Variants in IL16 observed in about 807,000 individuals in gnomAD.
IL16 encodes the protein interleukin 16, also known as pro-interleukin-16.
In IL16, 67 loss-of-function variants were observed where a neutral mutation model predicts 110.1. The ratio of observed to expected loss-of-function variants is 0.61; its 90% CI spans 0.50 to 0.75. The LOEUF (loss-of-function observed/expected upper bound fraction) is 0.75. IL16 is among the 30% of genes least tolerant of loss of function. The pLI is 0.00. For missense variants in IL16, 1,545 were observed against 1,655.0 expected (o/e 0.93, Z 1.15); for synonymous variants, 689 against 662.9 (o/e 1.04, Z -0.61).
rs1213022053 is a variant in IL16, at chr15:81,300,000, G to A, written c.2674G>A (p.Ala892Thr). The change falls in exon 14 of 19, where the codon GCA (alanine) becomes ACA (threonine). Residue 892 changes from alanine (A) to threonine (T), a missense_variant. By Grantham distance (58) the Ala-to-Thr change is moderately conservative (BLOSUM62 0). Coordinates refer to ENST00000683961, the MANE Select transcript of IL16 (RefSeq NM_172217.5). Reference protein sequence around the residue: ...RFSGLLGRGAAPTLVPQQPEQ... With the variant: ...RFSGLLGRGATPTLVPQQPEQ... ...TTCTGGACTCTTGGGGCGAGGGGCT[G>A]CACCCACTCTTGTGCCCCAGCAGCC... 5.7e-6 allele frequency: 9 copies of A among 1,589,502 alleles called. No homozygotes were observed. Among genetic ancestry groups the A allele is most frequent in the Non-Finnish European group, 6.0e-6 (7 of 1,167,520 alleles).
intron 2 of IL16, among the ~76,000 whole-genome samples, chr15:81,233,870 G>A: frequency 6.6e-6 from 1 of 151,940 alleles, no homozygotes; most frequent in East Asian, 1.9e-4. Flanking sequence ...GCTGAAAGAA[G>A]CATGTTAAAG....
chr15:81,289,973 C>T (rs748945157), intron 10 of IL16: 100 of 421,610 alleles, frequency 2.4e-4, no homozygotes, highest in Non-Finnish European at 3.7e-4. Flanking sequence ...GTAGAGGAAC[C>T]GGGACTAGAA....
rs754228746 is a variant in IL16, at chr15:81,292,863, C to T, written c.1728C>T (p.His576=). Residue 576 remains histidine (H), a synonymous_variant, in exon 12 of 19, where the codon CAC becomes CAT. Transcript: ENST00000683961. ...SPPLPESRDS[H]PPLRLKKSFE... ...CCCTCCCAGAGAGCCGGGACAGCCA[C>T]CCGCCGCTGAGACTGAAGAAATCCT... 1.2e-5 allele frequency: 20 copies of T among 1,614,104 alleles called. No individual in the cohort carries two copies. In the East Asian group the frequency reaches 3.8e-4, roughly 31 times the overall value.
At position 81,196,917 on chromosome 15, in the gene IL16, A is replaced by T; in HGVS notation, c.-337A>T. ...GTCACCTGTCCAGAGCAGGTGGTGAATATTGTGTCCTACTCACGGCATCTC... is the reference window on the plus strand; with the variant it reads ...GTCACCTGTCCAGAGCAGGTGGTGATTATTGTGTCCTACTCACGGCATCTC... On this transcript the variant is annotated 5_prime_UTR_variant, in exon 1 of 19. Coordinates refer to ENST00000683961, the MANE Select transcript of IL16 (RefSeq NM_172217.5). 1.6e-6 allele frequency: 2 copies of T among 1,224,280 alleles called. No individual in the cohort carries two copies. Among genetic ancestry groups the T allele is most frequent in the Non-Finnish European group, 2.1e-6 (2 of 961,176 alleles). The allele number at this position is 1,224,280 out of a possible 1,614,324, so 75.8% of individuals were successfully genotyped here.
At chr15:81,198,003 A>G (rs1401190312) in intron 1 of IL16, among the ~76,000 whole-genome samples, 1 of 152,044 alleles carries the variant, frequency 6.6e-6, no homozygotes, top group East Asian at 1.9e-4. Flanking sequence ...CCCCGGAAGG[A>G]GAAGACCGTT....
chr15:81,279,783 G>A lies in IL16; in HGVS notation c.1081+9G>A, dbSNP rs1899088640. ...GGTTTCTCTGCAGAAAGGTAGGAGTGCTGCAGCTGTGTCCCGTGCCTGGGT... is the reference window on the plus strand; with the variant it reads ...GGTTTCTCTGCAGAAAGGTAGGAGTACTGCAGCTGTGTCCCGTGCCTGGGT... On this transcript the variant is annotated intron_variant, in intron 8 of 18. Transcript: ENST00000683961. The A allele has an allele frequency of 1.2e-6, 2 of 1,611,814 alleles. No homozygotes were observed. The highest frequency in any genetic ancestry group is 1.7e-6 in the Non-Finnish European group (2 of 1,178,130).
At chr15:81,221,074 G>A (rs551762133) in intron 1 of IL16, among the ~76,000 whole-genome samples, 1 of 152,028 alleles carries the variant, frequency 6.6e-6, no homozygotes, top group South Asian at 2.1e-4. Context: ...AAGATGTGAT[G>A]GGGAGACCCC....
Position 81,218,580 on chromosome 15 carries a change from C to T in IL16, c.-101-6719C>T, listed in dbSNP as rs139040893. Among the ~76,000 whole-genome samples the T allele has an allele frequency of 5.6e-3, 859 of 152,220 alleles. 11 individuals are homozygous for T. Among genetic ancestry groups the T allele is most frequent in the African/African-American group, 0.02 (820 of 41,550 alleles). ...CTTTATTTTCTCATCATAATTGAGA[C>T]GTGATTGTTGTAAAAAGAAATCAAG... On this transcript the variant is annotated intron_variant, in intron 1 of 18. Transcript: ENST00000683961.
chr15:81,249,674 T>A (rs992161719), intron 2 of IL16, among the ~76,000 whole-genome samples: 70 of 152,320 alleles, frequency 4.6e-4, no homozygotes, highest in Middle Eastern at 3.4e-3. Flanking sequence ...TATGCTTTTT[T>A]AATTTATCTT....
Position 81,292,703 on chromosome 15 carries a change from G to A in IL16, c.1568G>A (p.Gly523Glu). ...AGCTACATGTCTGGGTCCCCAGGGGGAAGTCCTGGGAGTGGCAGTGCTGAG... is the reference window on the plus strand; with the variant it reads ...AGCTACATGTCTGGGTCCCCAGGGGAAAGTCCTGGGAGTGGCAGTGCTGAG... ...DSSYMSGSPG[G>E]SPGSGSAEKP... The change falls in exon 12 of 19, where the codon GGA becomes GAA. Residue 523 changes from glycine to glutamate, a missense_variant. By Grantham distance (98) the Gly-to-Glu change is moderately conservative. Transcript: ENST00000683961. The A allele has an allele frequency of 1.2e-6, 2 of 1,614,152 alleles. No individual in the cohort carries two copies. Among genetic ancestry groups the A allele is most frequent in the Non-Finnish European group, 8.5e-7 (1 of 1,180,004 alleles).
At chr15:81,194,954 C>A (rs1039767184), upstream of IL16, among the ~76,000 whole-genome samples, 2 of 152,140 alleles carry the variant, frequency 1.3e-5, no homozygotes, top group Non-Finnish European at 2.9e-5. Flanking sequence ...CTCTCACCTG[C>A]GTCTTCCTCC....
upstream of IL16, chr15:81,196,864 C>T (rs1895611948): frequency 8.7e-7 from 1 of 1,151,538 alleles, no homozygotes; most frequent in Non-Finnish European, 1.1e-6. Flanking sequence ...CGAGCAAATC[C>T]ATGCCAGGTG....
chr15:81,233,459 CTGTGTGTGTGTGTGTGTG>C (rs5814049), intron 2 of IL16, among the ~76,000 whole-genome samples: 3,988 of 143,452 alleles, frequency 0.028, 161 homozygotes, highest in African/African-American at 0.094. Context: ...TCTTCTCTTT[CTGTGTGTGTGTGTGTGTG>C]TGTGTGTGTG....
At chr15:81,191,681 G>A (rs1255813870) in intron 1 of IL16, among the ~76,000 whole-genome samples, 4 of 152,184 alleles carry the variant, frequency 2.6e-5, no homozygotes, top group African/African-American at 9.7e-5. Flanking sequence ...TTTAGGTTGA[G>A]TGGTCAAGAA....
chr15:81,292,954 A>G lies in IL16; in HGVS notation c.1819A>G (p.Ser607Gly). 6.2e-7 allele frequency: 1 copy of G among 1,614,198 alleles called. No individual in the cohort carries two copies. The highest frequency in any genetic ancestry group is 2.2e-5 in the East Asian group (1 of 44,886). Reference protein sequence around the residue: ...PKPPPRKYFKSDSDPQKSLEE... With the variant: ...PKPPPRKYFKGDSDPQKSLEE... ...GCCTCCACCCAGAAAATACTTTAAA[A>G]GTGACAGTGACCCTCAGAAGAGTCT... is the stretch of plus-strand genomic sequence containing the variant. Residue 607 changes from serine to glycine, a missense_variant, in exon 12 of 19, where the codon AGT becomes GGT. By Grantham distance (56) the Ser-to-Gly change is moderately conservative (BLOSUM62 0). Around this residue, in one of 3 missense-constraint regions of IL16, gnomAD observed 1,185 missense variants for 1,238.8 expected, o/e 0.96. Transcript: ENST00000683961.
At chr15:81,207,975 C>G (rs1021751209) in intron 1 of IL16, among the ~76,000 whole-genome samples, 8 of 152,054 alleles carry the variant, frequency 5.3e-5, no homozygotes, top group African/African-American at 1.9e-4. Context: ...AGTGGCCAAA[C>G]TAGTTTACAT....
chr15:81,262,941 AAAG>A (rs1198248721), intron 3 of IL16, among the ~76,000 whole-genome samples: 3 of 152,234 alleles, frequency 2.0e-5, no homozygotes, highest in African/African-American at 7.2e-5. Flanking sequence ...TAAAAAAAGA[AAAG>A]AAGCTCAGAT....
rs1900980423 is a variant in IL16 at position 81,313,527 on chromosome 15, C to G, written c.*4729C>G. ...ATGATACAGTGATCGCGTCTCATCC[C>G]TTGCTGTGCCCTCCACCCAGGAGTC... On this transcript the variant is annotated 3_prime_UTR_variant, in exon 19 of 19. Coordinates refer to ENST00000683961, the MANE Select transcript of IL16 (RefSeq NM_172217.5). 4.3e-6 allele frequency: 4 copies of G among 932,676 alleles called. No homozygotes were observed. Among genetic ancestry groups the G allele is most frequent in the African/African-American group, 3.4e-5 (2 of 58,538 alleles). 57.8% of individuals were successfully genotyped at this position (932,676 alleles called of 1,614,324 possible). A position where few individuals can be genotyped will look rare whatever the true frequency, so the allele number is the denominator to read the frequency against.
At position 81,313,595 on chromosome 15, in the gene IL16, C is replaced by G. The variant is rs143280341; in HGVS notation, c.*4797C>G. ...TTTTCAGGATGGAAACCCATCCTGTCGGGGATGCATTCCACAGCCTCTCCC... is the reference window on the plus strand; with the variant it reads ...TTTTCAGGATGGAAACCCATCCTGTGGGGGATGCATTCCACAGCCTCTCCC... On this transcript the variant is annotated 3_prime_UTR_variant, in exon 19 of 19. Transcript: ENST00000683961. The G allele has an allele frequency of 2.4e-6, 1 of 424,300 alleles. No homozygotes were observed. 26.3% of individuals were successfully genotyped at this position (424,300 alleles called of 1,614,324 possible).
Sources: gnomAD v4.1 joint callset for allele counts (sites outside exome capture counted in the v4.1 genomes callset) on GRCh38, gnomAD v4.1.1 for gene constraint, gnomAD v4.1.1 regional missense constraint, MANE v1.5 for transcripts, NCBI Gene and HGNC (gene_info 2026-07-23, HGNC 2026-07-21) for gene names.